ESYT1: variants seen among roughly 807,000 people sequenced by gnomAD.
ESYT1 encodes extended synaptotagmin 1.
Under a neutral mutation model 154.2 loss-of-function variants are expected in ESYT1, and 116 were observed. That is an observed-to-expected ratio of 0.75 (90% CI 0.65 to 0.88). The LOEUF (loss-of-function observed/expected upper bound fraction) is 0.88. Among genes scored for constraint, ESYT1 ranks in the 40% least tolerant of loss-of-function variants. The pLI, the probability that ESYT1 is intolerant of heterozygous loss-of-function variation, is 0.00. For missense variants in ESYT1, 1,264 were observed against 1,379.3 expected (o/e 0.92, Z 1.32); for synonymous variants, 500 against 539.9 (o/e 0.93, Z 1.02).
rs748825563 is a variant in ESYT1 at position 56,138,007 on chromosome 12, T to C, written c.2199-19T>C. The C allele has an allele frequency of 5.0e-6, 8 of 1,614,160 alleles. No individual in the cohort carries two copies. Among genetic ancestry groups the C allele is most frequent in the Non-Finnish European group, 6.8e-6 (8 of 1,179,990 alleles). On this transcript the variant is annotated intron_variant, in intron 19 of 30. Coordinates refer to ENST00000394048, the MANE Select transcript of ESYT1 (RefSeq NM_015292.3). Reference sequence around the variant, plus strand: ...GGTTCTCACCATCTAGCTTTTGTCTTAATCTTTCTCTTCAACAGGTGTAAA... The same window carrying C: ...GGTTCTCACCATCTAGCTTTTGTCTCAATCTTTCTCTTCAACAGGTGTAAA...
In ESYT1 at chr12:56,142,290, G is replaced by C; in HGVS notation, c.2598G>C (p.Arg866=). ...ATGGTCCTGTTGCCCCACAGGTTCG[G>C]GGTGAGGGCACTGGCGTGCTGGGCT... ...PHTESLELQV[R]GEGTGVLGSL... Residue 866 remains arginine, a synonymous_variant, in exon 25 of 31, where the codon CGG becomes CGC. Transcript: ENST00000394048. This position sits in a 1 kb window ranked among gnomAD's most constrained non-coding sequence, Gnocchi z 4.1. 2 of 1,614,006 alleles carry C rather than the reference G, an allele frequency of 1.2e-6. No individual in the cohort carries two copies. Among genetic ancestry groups the C allele is most frequent in the African/African-American group, 1.3e-5 (1 of 75,036 alleles).
In ESYT1 at chr12:56,133,807, C is replaced by T. The variant is rs949159678; in HGVS notation, c.1407C>T (p.Ser469=). The T allele has an allele frequency of 6.2e-7, 1 of 1,614,168 alleles. No homozygotes were observed. The change falls in exon 13 of 31, where the codon TCC becomes TCT. Residue 469 remains serine (S), a synonymous_variant. Transcript: ENST00000394048. The part of the protein sequence containing the change: ...EQVLQWNWGV[S]SRPDPPSAAI... ...TTCTACAGTGGAATTGGGGAGTCTC[C>T]TCTCGACCAGATCCCCCGTCAGCTG...
chr12:56,137,935 G>A (rs765417625), intron 19 of ESYT1, 21 bp downstream of exon 19: 4 of 1,613,938 alleles, frequency 2.5e-6, no homozygotes, highest in Non-Finnish European at 3.4e-6. Flanking sequence ...AGGAGTCTAC[G>A]TGAAAAACAG....
At chr12:56,143,169 G>C in intron 28 of ESYT1, 21 bp downstream of exon 28, 1 of 1,614,160 alleles carries the variant, frequency 6.2e-7, no homozygotes, top group Non-Finnish European at 8.5e-7. Flanking sequence ...GGGCATTCAG[G>C]TGGAGAGATG....
At chr12:56,141,553 A>G (rs570563478) in intron 24 of ESYT1, among the ~76,000 whole-genome samples, 3 of 152,248 alleles carry the variant, frequency 2.0e-5, no homozygotes, top group South Asian at 2.1e-4. Flanking sequence ...ATCCTGGCTA[A>G]CACGGTGAAA....
chr12:56,137,721 C>T (rs1870522500), intron 18 of ESYT1, 46 bp downstream of exon 18: 7 of 1,608,816 alleles, frequency 4.4e-6, no homozygotes, highest in Middle Eastern at 3.3e-4. Flanking sequence ...CCATTTTTCC[C>T]CCAATCCCAA....
chr12:56,143,908 C>G lies in ESYT1; in HGVS notation c.*46C>G. 6.2e-7 allele frequency: 1 copy of G among 1,612,742 alleles called. No individual in the cohort carries two copies. The highest frequency in any genetic ancestry group is 8.5e-7 in the Non-Finnish European group (1 of 1,179,838). On this transcript the variant is annotated 3_prime_UTR_variant, in exon 31 of 31. Transcript: ENST00000394048. ...GACTGCTCTGTCTTCCTGCCTTCGT[C>G]TCGCTCCATCACCGCCTCAATGTGA...
intron 16 of ESYT1, 115 bp from the exon 17 acceptor site, chr12:56,137,103 G>A: frequency 1.4e-6 from 2 of 1,416,622 alleles, no homozygotes; most frequent in Non-Finnish European, 9.8e-7. Flanking sequence ...GATGAGCCCA[G>A]CCAGGGCAGC....
intron 15 of ESYT1, among the ~76,000 whole-genome samples, chr12:56,136,252 G>T (rs1440107650): frequency 2.0e-5 from 3 of 151,960 alleles, no homozygotes; most frequent in African/African-American, 7.3e-5. Context: ...ATTTAAATAG[G>T]CCGAGGGAAG....
rs888119018 is a variant in ESYT1 at position 56,144,002 on chromosome 12, T to C, written c.*140T>C. The C allele has an allele frequency of 3.8e-5, 59 of 1,545,010 alleles. No homozygotes were observed. The Admixed American group carries it at 1.1e-3, about 30-fold the overall frequency. On this transcript the variant is annotated 3_prime_UTR_variant, in exon 31 of 31. Coordinates refer to ENST00000394048, the MANE Select transcript of ESYT1 (RefSeq NM_015292.3). ...GCCCTTTCACCTAACAGGCCCATAT[T>C]CGGGCCTTTGCCTGACCAAAGAGAA...
In ESYT1 at chr12:56,137,901, G is replaced by A. The variant is rs1870529132; in HGVS notation, c.2185G>A (p.Asp729Asn). The change falls in exon 19 of 31, where the codon GAT becomes AAT. Residue 729 changes from aspartate (D) to asparagine (N), a missense_variant. Coordinates refer to ENST00000394048, the MANE Select transcript of ESYT1 (RefSeq NM_015292.3). ...EVFDKDLDKD[D>N]FLGRCKVRLT... ...CTTTGACAAGGACTTGGACAAGGAT[G>A]ATTTTCTGGGCAGGTGAGAGCATAG... 3 of 1,614,250 alleles carry A rather than the reference G, an allele frequency of 1.9e-6. No individual in the cohort carries two copies. The highest frequency in any genetic ancestry group is 2.5e-6 in the Non-Finnish European group (3 of 1,180,044).
rs921319278 is a variant in ESYT1, at chr12:56,136,677, T to A, written c.1633-67T>A. On this transcript the variant is annotated intron_variant, in intron 15 of 30. Coordinates refer to ENST00000394048, the MANE Select transcript of ESYT1 (RefSeq NM_015292.3). Reference sequence around the variant, plus strand: ...GAGGAATGAAGTTGGAGCCATGTTATCATTTTCACAGTATGCCTCCCTTTC... The same window carrying A: ...GAGGAATGAAGTTGGAGCCATGTTAACATTTTCACAGTATGCCTCCCTTTC... The A allele has an allele frequency of 4.2e-6, 6 of 1,438,046 alleles. No homozygotes were observed. In the African/African-American group the frequency reaches 8.6e-5, roughly 21 times the overall value. 89.1% of individuals were successfully genotyped at this position (1,438,046 alleles called of 1,614,324 possible).
chr12:56,143,045 C>T lies in ESYT1; in HGVS notation c.3016C>T (p.Pro1006Ser), dbSNP rs1870778259. The T allele has an allele frequency of 6.2e-7, 1 of 1,614,080 alleles. No homozygotes were observed. Among genetic ancestry groups the T allele is most frequent in the Non-Finnish European group, 8.5e-7 (1 of 1,180,048 alleles). Residue 1006 changes from proline (P) to serine (S), a missense_variant, in exon 28 of 31, where the codon CCT becomes TCT. Pro to Ser is a moderately conservative substitution (Grantham distance 74). Transcript: ENST00000394048. ...RSLRQNGRDP[P>S]DPYVSLLLLP... ...CCTTCGACAGAATGGACGTGATCCT[C>T]CTGATCCCTATGTGTCACTGTTGCT...
In ESYT1 at chr12:56,133,811, C is replaced by T. The variant is rs560118938; in HGVS notation, c.1411C>T (p.Arg471Ter). 4.3e-6 allele frequency: 7 copies of T among 1,614,046 alleles called. No homozygotes were observed. The highest frequency in any genetic ancestry group is 1.1e-5 in the South Asian group (1 of 91,086). Residue 471 changes from arginine to a stop codon, truncating the protein, a stop_gained, in exon 13 of 31, where the codon CGA becomes TGA. Coordinates refer to ENST00000394048, the MANE Select transcript of ESYT1 (RefSeq NM_015292.3). LOFTEE classifies it high-confidence loss of function. ...ACAGTGGAATTGGGGAGTCTCCTCT[C>T]GACCAGATCCCCCGTCAGCTGCCAT... Reference protein sequence around the residue: ...VLQWNWGVSSRPDPPSAAILV... With the variant: ...VLQWNWGVSS
At position 56,141,726 on chromosome 12, in the gene ESYT1, C is replaced by T. The variant is rs544118619; in HGVS notation, c.2593-559C>T. Among the ~76,000 whole-genome samples the T allele has an allele frequency of 1.1e-4, 16 of 151,684 alleles. No individual in the cohort carries two copies. In the East Asian group the frequency reaches 2.5e-3, roughly 24 times the overall value. ...CTGCACTCCAGCCTGGGCAACAGAG[C>T]GAGACTCCGTCTCAAAAATAATAAT... On this transcript the variant is annotated intron_variant, in intron 24 of 30. Transcript: ENST00000394048.
intron 24 of ESYT1, among the ~76,000 whole-genome samples, chr12:56,140,583 C>G (rs537562637): frequency 2.6e-5 from 4 of 152,016 alleles, no homozygotes; most frequent in Non-Finnish European, 5.9e-5. Context: ...AGGCTGGTCT[C>G]TAAGTCCTGA....
chr12:56,131,621 G>A, intron 6 of ESYT1, 55 bp downstream of exon 6: 1 of 1,606,632 alleles, frequency 6.2e-7, no homozygotes, highest in South Asian at 1.1e-5. Flanking sequence ...AGGACTGGGA[G>A]GATGAGGGCA....
At chr12:56,128,748 C>T (rs1430376032) in intron 1 of ESYT1, 39 bp downstream of exon 1, 1 of 1,606,440 alleles carries the variant, frequency 6.2e-7, no homozygotes, top group Non-Finnish European at 8.5e-7. Context: ...AGCATAGCCC[C>T]CTTCCACCCC....
At chr12:56,133,996 G>C in intron 13 of ESYT1, 114 bp from the exon 14 acceptor site, 1 of 1,539,286 alleles carries the variant, frequency 6.5e-7, no homozygotes, top group Non-Finnish European at 9.0e-7. Flanking sequence ...AAGGGTCCCA[G>C]GGAGGGGATC....
Sources: allele counts gnomAD v4.1 joint callset (sites outside exome capture counted in the v4.1 genomes callset), GRCh38; gene constraint gnomAD v4.1.1; non-coding constraint Gnocchi (gnomAD v3.1); transcripts MANE v1.5; gene names NCBI Gene and HGNC (gene_info 2026-07-23, HGNC 2026-07-21).